The following WDR93 variants were observed in gnomAD, a reference collection of about 807,000 sequenced individuals.
WDR93 encodes WD repeat domain 93, also known as WD repeat-containing protein 93.
WDR93 carries 73 observed loss-of-function variants against 82.9 expected under a neutral mutation model. That is an observed-to-expected ratio of 0.88 (90% CI 0.73 to 1.07). The LOEUF is 1.07. Ranked by LOEUF, WDR93 falls within the 50% of genes least tolerant of loss-of-function variation. The pLI is 0.00. For missense variants in WDR93, 738 were observed against 826.0 expected (o/e 0.89, Z 1.31); for synonymous variants, 283 against 300.1 (o/e 0.94, Z 0.59).
intron 16 of WDR93, among the ~76,000 whole-genome samples, chr15:89,740,842 TA>T (rs1967612824): frequency 1.3e-5 from 2 of 152,022 alleles, no homozygotes; most frequent in African/African-American, 4.8e-5. Flanking sequence ...ATTACTTTTT[TA>T]AAAAGTGTTA....
upstream of WDR93, chr15:89,690,661 A>T: frequency 1.3e-6 from 2 of 1,541,052 alleles, no homozygotes; most frequent in Non-Finnish European, 1.8e-6. Flanking sequence ...CACGAGTCGC[A>T]CGGGGCTCAG....
In WDR93 at chr15:89,701,773, C is replaced by T; in HGVS notation, c.27C>T (p.Thr9=). The change falls in exon 2 of 17, where the codon ACC becomes ACT. Residue 9 remains threonine (T), a synonymous_variant. Coordinates refer to ENST00000268130, the MANE Select transcript of WDR93 (RefSeq NM_020212.2). The part of the protein sequence containing the change: MSFPRGSQ[T]QKIKHPIGTR... ...TGTCATTCCCAAGAGGAAGTCAGACCCAGAAAATAAAGCACCCCATTGGTA... is the reference window on the plus strand; with the variant it reads ...TGTCATTCCCAAGAGGAAGTCAGACTCAGAAAATAAAGCACCCCATTGGTA... 6.2e-7 allele frequency: 1 copy of T among 1,612,596 alleles called. No individual in the cohort carries two copies. Among genetic ancestry groups the T allele is most frequent in the South Asian group, 1.1e-5 (1 of 91,026 alleles).
intron 8 of WDR93, among the ~76,000 whole-genome samples, chr15:89,724,590 T>A (rs1274614763): frequency 6.6e-6 from 1 of 152,020 alleles, no homozygotes; most frequent in Non-Finnish European, 1.5e-5. Flanking sequence ...CCAGAATATA[T>A]GAAGAATTAC....
At chr15:89,731,685 G>A (rs759643097) in intron 12 of WDR93, 123 bp downstream of exon 12, 18 of 1,334,064 alleles carry the variant, frequency 1.3e-5, no homozygotes, top group Middle Eastern at 2.4e-4. Context: ...AGTCACCTTG[G>A]GGAACTGGTC....
At chr15:89,718,228 C>G (rs1966347741) in intron 7 of WDR93, among the ~76,000 whole-genome samples, 1 of 152,176 alleles carries the variant, frequency 6.6e-6, no homozygotes, top group South Asian at 2.1e-4. Flanking sequence ...GTAATCCCAA[C>G]ACTTTGGGAG....
At chr15:89,705,733 T>C in intron 4 of WDR93, 115 bp downstream of exon 4, 2 of 732,844 alleles carry the variant, frequency 2.7e-6, no homozygotes, top group Non-Finnish European at 2.4e-6. Flanking sequence ...GAGACCTCCA[T>C]GGCCAGAGAG....
intron 3 of WDR93, chr15:89,704,425 T>A (rs569118302): frequency 1.4e-4 from 21 of 152,348 alleles, no homozygotes; most frequent in African/African-American, 4.8e-4. Context: ...ACTATTTTTG[T>A]AACTTTTTTA....
In WDR93 at chr15:89,735,510, A is replaced by G; in HGVS notation, c.1565A>G (p.Lys522Arg). 6.2e-7 allele frequency: 1 copy of G among 1,614,176 alleles called. No homozygotes were observed. Among genetic ancestry groups the G allele is most frequent in the Non-Finnish European group, 8.5e-7 (1 of 1,180,020 alleles). ...LVERPVKHLD[K>R]TICAVAPVPA... ...TATAGGCCTGTAAAGCACCTGGATA[A>G]AACCATCTGTGCCGTGGCCCCAGTC... Residue 522 changes from lysine (K) to arginine (R), a missense_variant, in exon 14 of 17, where the codon AAA (lysine) becomes AGA (arginine). Physicochemically the swap from Lys to Arg is conservative, Grantham distance 26. Transcript: ENST00000268130.
intron 9 of WDR93, among the ~76,000 whole-genome samples, chr15:89,728,079 A>G (rs552594251): frequency 6.6e-6 from 1 of 152,308 alleles, no homozygotes; most frequent in Admixed American, 6.5e-5. Context: ...CTCTGTCTCA[A>G]AAAATAATAA....
chr15:89,703,113 A>C lies in WDR93; in HGVS notation c.467A>C (p.Glu156Ala), dbSNP rs1303523342. Residue 156 changes from glutamate (E) to alanine (A), a missense_variant, in exon 3 of 17, where the codon GAA (glutamate) becomes GCA (alanine). Transcript: ENST00000268130. ...TSIWATDLGNEILIAPVDEMG... is the reference protein window; with the variant it reads ...TSIWATDLGNAILIAPVDEMG... Reference sequence around the variant, plus strand: ...ATCTGGGCCACAGATTTAGGGAATGAAATACTCATTGCTCCTGTGGATGAA... The same window carrying C: ...ATCTGGGCCACAGATTTAGGGAATGCAATACTCATTGCTCCTGTGGATGAA... 1 of 1,614,174 alleles carries C rather than the reference A, an allele frequency of 6.2e-7. No homozygotes were observed. The highest frequency in any genetic ancestry group is 1.7e-5 in the Admixed American group (1 of 60,028).
intron 1 of WDR93, among the ~76,000 whole-genome samples, chr15:89,694,746 T>G (rs1170358867): frequency 6.6e-6 from 1 of 152,256 alleles, no homozygotes; most frequent in African/African-American, 2.4e-5. Context: ...TAATGTCATA[T>G]CTAGGAAATC....
chr15:89,717,045 CTTTTTTTTT>C lies in WDR93; in HGVS notation c.795+110_795+118del, dbSNP rs11457156. 216 of 172,172 alleles carry C rather than the reference CTTTTTTTTT, an allele frequency of 1.3e-3. 2 individuals are homozygous for C. Among genetic ancestry groups the C allele is most frequent in the African/African-American group, 0.011 (172 of 15,940 alleles). 10.7% of individuals were successfully genotyped at this position (172,172 alleles called of 1,614,324 possible). A position where few individuals can be genotyped will look rare whatever the true frequency, so the allele number is the denominator to read the frequency against. Reference sequence around the variant, plus strand: ...TTTTTCTTTTCTTTTCTTTTTCTTTCTTTTTTTTTTTTTTTTTTTTTTGAGACAGAGTTT... The same window carrying C: ...TTTTTCTTTTCTTTTCTTTTTCTTTCTTTTTTTTTTTTTGAGACAGAGTTT... On this transcript the variant is annotated intron_variant, in intron 7 of 16. Transcript: ENST00000268130.
At chr15:89,709,860 T>TA (rs5814398) in intron 4 of WDR93, among the ~76,000 whole-genome samples, 53,194 of 149,348 alleles carry the variant, frequency 0.36, 9,656 homozygotes, top group African/African-American at 0.41. Flanking sequence ...GTATTTGTAA[T>TA]AAAAAAAAAA....
intron 7 of WDR93, among the ~76,000 whole-genome samples, chr15:89,719,316 G>A (rs1201061033): frequency 6.6e-6 from 1 of 152,174 alleles, no homozygotes; most frequent in African/African-American, 2.4e-5. Flanking sequence ...TTCTTAAAAT[G>A]TTAGGTAGAC....
chr15:89,690,601 G>C, upstream of WDR93: 1 of 1,551,452 alleles, frequency 6.4e-7, no homozygotes. Context: ...CCGGCCCTGG[G>C]TCTGGTTGGT....
intron 9 of WDR93, 30 bp from the exon 10 acceptor site, chr15:89,728,993 G>A (rs1966839595): frequency 6.3e-7 from 1 of 1,599,338 alleles, no homozygotes; most frequent in Non-Finnish European, 8.6e-7. Context: ...GAGTCTACAT[G>A]GCTCTGACTC....
At chr15:89,691,282 C>G (rs1419206256) in intron 1 of WDR93, among the ~76,000 whole-genome samples, 1 of 152,138 alleles carries the variant, frequency 6.6e-6, no homozygotes, top group East Asian at 1.9e-4. Context: ...TGAGGAAATC[C>G]TAAAAGAGTC....
At chr15:89,703,219 G>GTAT in intron 3 of WDR93, 77 bp downstream of exon 3, 5 of 1,521,344 alleles carry the variant, frequency 3.3e-6, no homozygotes, top group Non-Finnish European at 4.5e-6. Context: ...TCCTTTTGAG[G>GTAT]TATTGGTGGG....
At chr15:89,702,546 G>GT (rs1210834150) in intron 2 of WDR93, among the ~76,000 whole-genome samples, 7 of 75,878 alleles carry the variant, frequency 9.2e-5, no homozygotes, top group African/African-American at 6.0e-4. Flanking sequence ...TGTTTTTTGG[G>GT]GTTTTTTTTT....
Sources: gnomAD v4.1 joint callset for allele counts (sites outside exome capture counted in the v4.1 genomes callset) on GRCh38, gnomAD v4.1.1 for gene constraint, MANE v1.5 for transcripts, NCBI Gene and HGNC (gene_info 2026-07-23, HGNC 2026-07-21) for gene names.